The following SLC25A36 variants were observed in gnomAD, a reference collection of about 807,000 sequenced individuals.
The protein encoded by SLC25A36 is solute carrier family 25 member 36, also known as epididymis secretory sperm binding protein.
Under a neutral mutation model 35.3 loss-of-function variants are expected in SLC25A36, and 24 were observed. The observed-to-expected ratio is 0.68, with a 90% CI of 0.49 to 0.96. The LOEUF is 0.96. SLC25A36 is among the 40% of genes least tolerant of loss of function. The probability of loss-of-function intolerance (pLI) is 0.00; values close to 1 mark genes in which losing one functional copy is unlikely to be tolerated. For missense variants in SLC25A36, 294 were observed against 381.1 expected, an observed-to-expected ratio of 0.77 and a Z score of 1.90; for synonymous variants, 141 against 132.2, an observed-to-expected ratio of 1.07 and a Z score of -0.46.
At chr3:140,969,955 C>T (rs1470290265) in intron 4 of SLC25A36, among the ~76,000 whole-genome samples, 5 of 151,832 alleles carry the variant, frequency 3.3e-5, no homozygotes, top group Non-Finnish European at 7.4e-5. Flanking sequence ...TGTAACTTAA[C>T]GTAAGTAGTT....
intron 4 of SLC25A36, chr3:140,963,613 G>A (rs1934687262): frequency 6.4e-6 from 1 of 157,410 alleles, no homozygotes; most frequent in Non-Finnish European, 1.4e-5. Context: ...TTTGGCTTCT[G>A]TCTGAAATGT....
intron 1 of SLC25A36, 88 bp downstream of exon 1, chr3:140,942,183 T>TGGGGGGGG (rs1225995661): frequency 1.3e-4 from 3 of 22,254 alleles, no homozygotes; most frequent in Non-Finnish European, 2.7e-4. Context: ...CCGAGGGGGG[T>TGGGGGGGG]GGGGGGGTGG....
intron 1 of SLC25A36, among the ~76,000 whole-genome samples, chr3:140,946,264 C>T (rs913857480): frequency 2.6e-5 from 4 of 152,138 alleles, no homozygotes; most frequent in East Asian, 3.8e-4. Flanking sequence ...ACTGAGATGA[C>T]ATTTGAGTAA....
chr3:140,945,569 G>A (rs1346800867), intron 1 of SLC25A36, among the ~76,000 whole-genome samples: 2 of 152,074 alleles, frequency 1.3e-5, no homozygotes, highest in Non-Finnish European at 2.9e-5. Context: ...CCTTGTTGTG[G>A]TCTGAGAGTT....
chr3:140,955,177 A>G (rs1308359397), intron 1 of SLC25A36, among the ~76,000 whole-genome samples: 1 of 151,914 alleles, frequency 6.6e-6, no homozygotes, highest in East Asian at 1.9e-4. Flanking sequence ...ACATATTTTT[A>G]TCTTTTAAAA....
intron 1 of SLC25A36, among the ~76,000 whole-genome samples, chr3:140,945,840 A>G (rs1222866971): frequency 2.6e-5 from 4 of 152,170 alleles, no homozygotes; most frequent in Admixed American, 2.6e-4. Flanking sequence ...TATATTTAAT[A>G]TTTTGTGTGA....
At chr3:140,967,236 C>T (rs1028914567) in intron 4 of SLC25A36, among the ~76,000 whole-genome samples, 19 of 151,788 alleles carry the variant, frequency 1.3e-4, no homozygotes, top group Non-Finnish European at 2.2e-4. Context: ...GTAATAAAAG[C>T]CTGGGGTCTT....
At chr3:140,960,958 A>G (rs1934612191) in intron 3 of SLC25A36, among the ~76,000 whole-genome samples, 1 of 152,238 alleles carries the variant, frequency 6.6e-6, no homozygotes, top group Non-Finnish European at 1.5e-5. Context: ...CCAAAAGGAC[A>G]TGAAAACATA....
chr3:140,957,480 G>A (rs1286967518), intron 2 of SLC25A36, among the ~76,000 whole-genome samples: 1 of 152,192 alleles, frequency 6.6e-6, no homozygotes, highest in Non-Finnish European at 1.5e-5. Flanking sequence ...GGTGGCTCAC[G>A]CCCATAATCC....
chr3:140,962,230 T>C (rs898756816), intron 3 of SLC25A36, among the ~76,000 whole-genome samples: 3 of 152,208 alleles, frequency 2.0e-5, no homozygotes, highest in African/African-American at 7.2e-5. Context: ...TTAATTTTCC[T>C]TTTTTCTTAA....
chr3:140,980,042 A>G lies in SLC25A36; in HGVS notation c.*3589A>G, dbSNP rs1464947207. The G allele has an allele frequency of 6.6e-6, 1 of 152,140 alleles. No individual in the cohort carries two copies. The highest frequency in any genetic ancestry group is 1.5e-5 in the Non-Finnish European group (1 of 68,018). 9.4% of individuals were successfully genotyped at this position (152,140 alleles called of 1,614,324 possible). On this transcript the variant is annotated 3_prime_UTR_variant, in exon 7 of 7. Transcript: ENST00000324194. ...AAAAATCCATTGCCATTTTCAGGTT[A>G]AGTTTTAGGCTCGCTTGATTCAGTC...
intron 1 of SLC25A36, among the ~76,000 whole-genome samples, chr3:140,950,181 T>C (rs1233323728): frequency 6.6e-6 from 1 of 152,204 alleles, no homozygotes; most frequent in Non-Finnish European, 1.5e-5. Context: ...TATTGTTCAC[T>C]GCAGAGCTAA....
intron 4 of SLC25A36, chr3:140,966,063 A>G (rs1934750535): frequency 6.6e-6 from 1 of 152,054 alleles, no homozygotes; most frequent in African/African-American, 2.4e-5. Context: ...GTTATTCTCA[A>G]TTTTTAAAAT....
In SLC25A36 at chr3:140,980,457, A is replaced by G. The variant is rs1454145507; in HGVS notation, c.*4004A>G. ...GACGAAATATATTTTGTATTTCAACATTGACATAAATCTGAAATTGTTGGT... is the reference window on the plus strand; with the variant it reads ...GACGAAATATATTTTGTATTTCAACGTTGACATAAATCTGAAATTGTTGGT... On this transcript the variant is annotated 3_prime_UTR_variant, in exon 7 of 7. Coordinates refer to ENST00000324194, the MANE Select transcript of SLC25A36 (RefSeq NM_001104647.3). 6.6e-6 allele frequency among the ~76,000 whole-genome samples: 1 copy of G among 152,132 alleles called. No individual in the cohort carries two copies. Among genetic ancestry groups the G allele is most frequent in the Non-Finnish European group, 1.5e-5 (1 of 68,036 alleles).
chr3:140,976,913 TGA>T lies in SLC25A36; in HGVS notation c.*464_*465del, dbSNP rs1161830477. ...CGTCAGTATTATTTTCACATTTCCC[TGA>T]GAGGACCTGGCACAATATTTTAAAT... On this transcript the variant is annotated 3_prime_UTR_variant, in exon 7 of 7. Transcript: ENST00000324194. 6.6e-6 allele frequency: 1 copy of T among 152,398 alleles called. No individual in the cohort carries two copies. The highest frequency in any genetic ancestry group is 2.4e-5 in the African/African-American group (1 of 41,472). 9.4% of individuals were successfully genotyped at this position (152,398 alleles called of 1,614,324 possible). A position where few individuals can be genotyped will look rare whatever the true frequency, so the allele number is the denominator to read the frequency against.
intron 1 of SLC25A36, among the ~76,000 whole-genome samples, chr3:140,953,593 C>A (rs927376725): frequency 1.2e-4 from 19 of 152,098 alleles, no homozygotes; most frequent in African/African-American, 4.6e-4. Flanking sequence ...ACAGTAAAAT[C>A]TACCCTTTGT....
rs896832767 is a variant in SLC25A36 at position 140,978,460 on chromosome 3, A to G, written c.*2007A>G. 1 of 152,190 alleles carries G rather than the reference A, an allele frequency of 6.6e-6. No homozygotes were observed. The highest frequency in any genetic ancestry group is 1.5e-5 in the Non-Finnish European group (1 of 68,024). The allele number at this position is 152,190 out of a possible 1,614,324, so 9.4% of individuals were successfully genotyped here. A position where few individuals can be genotyped will look rare whatever the true frequency, so the allele number is the denominator to read the frequency against. ...ACATTCATTGTGTTGAATGTAAGAT[A>G]GAGACTCTCCCTAGTCTTACTGATC... On this transcript the variant is annotated 3_prime_UTR_variant, in exon 7 of 7. Coordinates refer to ENST00000324194, the MANE Select transcript of SLC25A36 (RefSeq NM_001104647.3).
chr3:140,949,869 G>GTT (rs1415196332), intron 1 of SLC25A36, among the ~76,000 whole-genome samples: 1 of 152,156 alleles, frequency 6.6e-6, no homozygotes, highest in Non-Finnish European at 1.5e-5. Context: ...CTTGAACTAT[G>GTT]TTATTTAATA....
Position 140,943,976 on chromosome 3 carries a change from T to A in SLC25A36, c.41+1881T>A, listed in dbSNP as rs1191822664. Reference sequence around the variant, plus strand: ...ATCCCCTCCCCCCCAGTCTAGCATATGTAGTTAGAGTATTAAATGAGATAT... The same window carrying A: ...ATCCCCTCCCCCCCAGTCTAGCATAAGTAGTTAGAGTATTAAATGAGATAT... On this transcript the variant is annotated intron_variant, in intron 1 of 6. Transcript: ENST00000324194. Among the ~76,000 whole-genome samples, 3 of 133,328 alleles carry A rather than the reference T, an allele frequency of 2.3e-5. No individual in the cohort carries two copies. In the East Asian group the frequency reaches 6.0e-4, roughly 27 times the overall value. The allele number at this position is 133,328 out of a possible 152,430, so 87.5% of individuals were successfully genotyped here.
Sources: gnomAD v4.1 joint callset for allele counts (sites outside exome capture counted in the v4.1 genomes callset) on GRCh38, gnomAD v4.1.1 for gene constraint, MANE v1.5 for transcripts, NCBI Gene and HGNC (gene_info 2026-07-23, HGNC 2026-07-21) for gene names.